Variants in DPP6 observed in about 807,000 individuals in gnomAD.
DPP6 encodes A-type potassium channel modulatory protein DPP6.
Under a neutral mutation model 122.6 loss-of-function variants are expected in DPP6, and 69 were observed. That is an observed-to-expected ratio of 0.56 (90% CI 0.46 to 0.69). DPP6 has a LOEUF of 0.69. Among genes scored for constraint, DPP6 ranks in the 30% least tolerant of loss-of-function variants. The pLI, the probability that DPP6 is intolerant of heterozygous loss-of-function variation, is 0.00. For synonymous variants in DPP6, 418 were observed against 433.1 expected, an observed-to-expected ratio of 0.97 and a Z score of 0.43; for missense variants, 928 against 1,116.9, an observed-to-expected ratio of 0.83 and a Z score of 2.41.
intron 1 of DPP6, among the ~76,000 whole-genome samples, chr7:153,999,026 A>C (rs1447770522): frequency 1.3e-5 from 2 of 152,216 alleles, no homozygotes; most frequent in African/African-American, 4.8e-5. Flanking sequence ...CCGATGACTG[A>C]TTCCTTCCAG....
chr7:154,700,866 C>G (rs1314204315), intron 7 of DPP6, among the ~76,000 whole-genome samples: 2 of 152,168 alleles, frequency 1.3e-5, no homozygotes, highest in Admixed American at 6.5e-5. Context: ...CCCTCGAACC[C>G]CATCACACAC....
At chr7:154,185,099 A>G (rs1262947039) in intron 1 of DPP6, among the ~76,000 whole-genome samples, 2 of 152,230 alleles carry the variant, frequency 1.3e-5, no homozygotes, top group Middle Eastern at 3.2e-3. Flanking sequence ...GAAGGACAAA[A>G]GAAAATCTCA....
chr7:154,305,017 C>A (rs1208314706), intron 1 of DPP6: 2 of 147,548 alleles, frequency 1.4e-5, no homozygotes, highest in African/African-American at 2.6e-5. Flanking sequence ...CCGCGGCCCC[C>A]TCCCCAGCCC....
At chr7:153,773,318 A>G in the DPP6 span, among the ~76,000 whole-genome samples, 1 of 36,376 alleles carries the variant, frequency 2.7e-5, no homozygotes, top group African/African-American at 6.1e-5. Flanking sequence ...TATTTTATAT[A>G]TATATATATA....
chr7:154,842,727 A>G (rs184278865), intron 16 of DPP6, among the ~76,000 whole-genome samples: 6 of 152,336 alleles, frequency 3.9e-5, no homozygotes, highest in Admixed American at 3.9e-4. Context: ...ATTGAACTTG[A>G]GCCAAAATAG....
chr7:153,850,928 C>T, the DPP6 span, among the ~76,000 whole-genome samples: 1 of 152,092 alleles, frequency 6.6e-6, no homozygotes, highest in Non-Finnish European at 1.5e-5. Flanking sequence ...TGCATATGTC[C>T]CAGGAGGTAA....
chr7:154,772,599 G>A (rs779968287), intron 9 of DPP6, among the ~76,000 whole-genome samples: 12 of 152,082 alleles, frequency 7.9e-5, no homozygotes, highest in African/African-American at 2.2e-4. Context: ...TTGCCAAACC[G>A]GGGAGTTGGG....
At chr7:154,227,043 A>T (rs1439088764) in intron 1 of DPP6, among the ~76,000 whole-genome samples, 2 of 138,772 alleles carry the variant, frequency 1.4e-5, no homozygotes. Context: ...TCAAAAATAG[A>T]TTACAATATG....
intron 3 of DPP6, among the ~76,000 whole-genome samples, chr7:154,500,617 T>C (rs752131527): frequency 4.3e-4 from 65 of 152,218 alleles, no homozygotes; most frequent in Non-Finnish European, 8.4e-4. Context: ...TCTTGACCGC[T>C]GCCATATGAG....
chr7:153,850,483 C>T, the DPP6 span, among the ~76,000 whole-genome samples: 1 of 152,230 alleles, frequency 6.6e-6, no homozygotes, highest in Non-Finnish European at 1.5e-5. Flanking sequence ...ACATCTGTAA[C>T]ATCTTCCATA....
chr7:154,641,736 T>C (rs1836106664), intron 6 of DPP6, among the ~76,000 whole-genome samples: 1 of 152,336 alleles, frequency 6.6e-6, no homozygotes, highest in South Asian at 2.1e-4. Context: ...ACATATGGAC[T>C]TTTTTCTATA....
intron 1 of DPP6, among the ~76,000 whole-genome samples, chr7:154,336,397 A>G (rs539606313): frequency 6.6e-6 from 1 of 152,108 alleles, no homozygotes; most frequent in African/African-American, 2.4e-5. Context: ...AGTGACTAGC[A>G]TGAGAGGAGT....
At chr7:154,148,921 T>C (rs1311838951) in intron 1 of DPP6, among the ~76,000 whole-genome samples, 1 of 152,154 alleles carries the variant, frequency 6.6e-6, no homozygotes, top group African/African-American at 2.4e-5. Flanking sequence ...GTTTGCACCA[T>C]CATCCTGGCT....
intron 1 of DPP6, chr7:154,057,840 G>A (rs1800993685): frequency 6.6e-6 from 1 of 150,790 alleles, no homozygotes; most frequent in Non-Finnish European, 1.5e-5. Context: ...GATGGCAGCT[G>A]GACTTTTAAC....
chr7:154,759,129 C>T (rs945558721), intron 8 of DPP6, among the ~76,000 whole-genome samples: 3 of 152,184 alleles, frequency 2.0e-5, no homozygotes, highest in East Asian at 1.9e-4. Context: ...CCCAGCTTCT[C>T]CAGCCCCCTG....
At chr7:154,427,043 G>T (rs1358078305) in intron 1 of DPP6, among the ~76,000 whole-genome samples, 1 of 152,004 alleles carries the variant, frequency 6.6e-6, no homozygotes, top group African/African-American at 2.4e-5. Flanking sequence ...AATAATTTTG[G>T]TGAGCGTGTC....
intron 1 of DPP6, among the ~76,000 whole-genome samples, chr7:154,322,420 G>A (rs946653027): frequency 2.0e-5 from 3 of 152,160 alleles, no homozygotes; most frequent in Admixed American, 2.0e-4. Context: ...CACTGGATGG[G>A]CAAAAGAGTC....
chr7:153,937,883 A>T (rs1442088414), intron 1 of DPP6, among the ~76,000 whole-genome samples: 1 of 152,204 alleles, frequency 6.6e-6, no homozygotes, highest in Non-Finnish European at 1.5e-5. Flanking sequence ...CATCACGTGA[A>T]GCAAGAACGC....
chr7:154,743,489 G>A (rs1180821315), intron 8 of DPP6, among the ~76,000 whole-genome samples: 1 of 152,174 alleles, frequency 6.6e-6, no homozygotes, highest in African/African-American at 2.4e-5. Flanking sequence ...GAAAGTCGGA[G>A]CGGAGTGTGT....
Sources: allele counts gnomAD v4.1 joint callset (sites outside exome capture counted in the v4.1 genomes callset), GRCh38; gene constraint gnomAD v4.1.1; transcripts MANE v1.5; gene names NCBI Gene and HGNC (gene_info 2026-07-23, HGNC 2026-07-21).